The following SEC23A variants were observed in gnomAD, a reference collection of about 807,000 sequenced individuals.
SEC23A encodes SEC23 homolog A, COPII component, also known as protein transport protein Sec23A.
SEC23A carries 56 observed loss-of-function variants against 103.7 expected under a neutral mutation model. The observed-to-expected ratio is 0.54, with a 90% CI of 0.44 to 0.67. The LOEUF is 0.67. Ranked by LOEUF, SEC23A falls within the 30% of genes least tolerant of loss-of-function variation. The pLI is 0.00. For synonymous variants in SEC23A, 281 were observed against 293.0 expected (o/e 0.96, Z 0.42); for missense variants, 784 against 936.4 (o/e 0.84, Z 2.12).
intron 3 of SEC23A, 93 bp from the exon 4 acceptor site, chr14:39,092,720 ATTT>A (rs893298426): frequency 1.3e-6 from 1 of 744,534 alleles, no homozygotes; most frequent in Non-Finnish European, 2.2e-6. Context: ...TCATTTAATT[ATTT>A]TTAAAAAGGC....
At chr14:39,066,363 A>C (rs1566496092) in intron 10 of SEC23A, among the ~76,000 whole-genome samples, 1 of 152,214 alleles carries the variant, frequency 6.6e-6, no homozygotes, top group South Asian at 2.1e-4. Context: ...TAGGATTAGA[A>C]GCACTTAGCC....
chr14:39,095,152 T>C (rs1887840910), intron 2 of SEC23A: 1 of 586,194 alleles, frequency 1.7e-6, no homozygotes, highest in Non-Finnish European at 3.0e-6. Context: ...GAATCTATAA[T>C]GTTCTAGAGG....
intron 7 of SEC23A, among the ~76,000 whole-genome samples, chr14:39,078,087 A>T (rs1887100720): frequency 6.6e-6 from 1 of 152,116 alleles, no homozygotes; most frequent in African/African-American, 2.4e-5. Context: ...TTGTCTGAAA[A>T]AAATAAATAA....
intron 1 of SEC23A, among the ~76,000 whole-genome samples, chr14:39,101,172 T>C (rs1888078424): frequency 6.6e-6 from 1 of 152,062 alleles, no homozygotes; most frequent in Non-Finnish European, 1.5e-5. Flanking sequence ...TAAAAAGTGA[T>C]ACAAAACACA....
At chr14:39,078,062 C>A (rs557634961) in intron 7 of SEC23A, among the ~76,000 whole-genome samples, 3 of 152,116 alleles carry the variant, frequency 2.0e-5, no homozygotes, top group African/African-American at 4.8e-5. Flanking sequence ...TCAGCCTGGG[C>A]AACAAAGGGA....
chr14:39,055,908 G>A (rs1046036216), intron 13 of SEC23A, among the ~76,000 whole-genome samples: 12 of 152,212 alleles, frequency 7.9e-5, no homozygotes, highest in East Asian at 3.8e-4. Flanking sequence ...GCAGCACAGC[G>A]AAGGTCATGA....
At chr14:39,087,697 T>C (rs1887489049) in intron 5 of SEC23A, 3 of 152,356 alleles carry the variant, frequency 2.0e-5, no homozygotes, top group Admixed American at 6.5e-5. Context: ...ACTGGAGTTA[T>C]AAAACTGTGT....
Position 39,091,605 on chromosome 14 carries a change from G to A in SEC23A, c.475C>T (p.Pro159Ser). Residue 159 changes from proline to serine, a missense_variant, in exon 5 of 20, where the codon CCA becomes TCA. By Grantham distance (74) the Pro-to-Ser change is moderately conservative. Around this residue, in one of 2 missense-constraint regions of SEC23A, gnomAD observed 683 missense variants for 774.2 expected, o/e 0.88. Transcript: ENST00000307712. ...ESMQMSLSLL[P>S]PTALVGLITF... The stretch of plus-strand genomic sequence containing the variant: ...ATAAGTCCAACCAAAGCTGTAGGTG[G>A]TAAAAGACTTAATGACATCTGCATG... The A allele has an allele frequency of 6.2e-7, 1 of 1,613,810 alleles. No individual in the cohort carries two copies. The highest frequency in any genetic ancestry group is 1.3e-5 in the African/African-American group (1 of 75,022).
At chr14:39,062,275 A>T (rs557576737) in intron 12 of SEC23A, among the ~76,000 whole-genome samples, 1 of 152,294 alleles carries the variant, frequency 6.6e-6, no homozygotes, top group East Asian at 1.9e-4. Context: ...GTATTTTTTT[A>T]AACTCAGGAA....
chr14:39,033,821 T>C (rs1160782764), intron 19 of SEC23A, among the ~76,000 whole-genome samples: 2 of 152,204 alleles, frequency 1.3e-5, no homozygotes, highest in African/African-American at 4.8e-5. Flanking sequence ...ATTCCTATTA[T>C]CCATTTTAAT....
chr14:39,042,671 A>G, intron 17 of SEC23A, 115 bp downstream of exon 17: 1 of 698,440 alleles, frequency 1.4e-6, no homozygotes, highest in Non-Finnish European at 2.5e-6. Flanking sequence ...ATTTTATAAA[A>G]ATGGAAATCA....
Position 39,056,863 on chromosome 14 carries a change from G to A in SEC23A, c.1506-1567C>T, listed in dbSNP as rs181123094. Among the ~76,000 whole-genome samples the A allele has an allele frequency of 2.6e-5, 4 of 152,262 alleles. No individual in the cohort carries two copies. The East Asian group carries it at 7.7e-4, about 29-fold the overall frequency. ...CCTAAAGAAATCTTCCAAAGTAAGT[G>A]TAAAGGCAGCTCTCCAACCACATTC... is the stretch of plus-strand genomic sequence containing the variant. On this transcript the variant is annotated intron_variant, in intron 13 of 19. Coordinates refer to ENST00000307712, the MANE Select transcript of SEC23A (RefSeq NM_006364.4).
rs183944662 is a variant in SEC23A, at chr14:39,041,668, G to C, written c.1987-781C>G. ...GCGGATCACCCGAGGTCAGGAGTTC[G>C]AGACCAGCCTGGCCAACATGGTGAA... On this transcript the variant is annotated intron_variant, in intron 17 of 19. Coordinates refer to ENST00000307712, the MANE Select transcript of SEC23A (RefSeq NM_006364.4). 7.1e-4 allele frequency among the ~76,000 whole-genome samples: 108 copies of C among 151,952 alleles called. 1 individual carries two copies. The highest frequency in any genetic ancestry group is 2.3e-3 in the African/African-American group (97 of 41,488).
intron 7 of SEC23A, among the ~76,000 whole-genome samples, chr14:39,084,160 T>TC (rs1252662898): frequency 1.3e-5 from 2 of 151,394 alleles, no homozygotes; most frequent in African/African-American, 4.9e-5. Flanking sequence ...TAGCTGGGAT[T>TC]ACAGGCATGC....
Position 39,033,225 on chromosome 14 carries a change from A to T in SEC23A, c.*14T>A. The stretch of plus-strand genomic sequence containing the variant: ...TATTTCATCTTCTTAAGTGTCTTTA[A>T]CATTATTAGCACTTCAAGCAGCACT... On this transcript the variant is annotated 3_prime_UTR_variant, in exon 20 of 20. Coordinates refer to ENST00000307712, the MANE Select transcript of SEC23A (RefSeq NM_006364.4). 1 of 1,573,354 alleles carries T rather than the reference A, an allele frequency of 6.4e-7. No individual in the cohort carries two copies. The highest frequency in any genetic ancestry group is 8.7e-7 in the Non-Finnish European group (1 of 1,142,944).
intron 7 of SEC23A, among the ~76,000 whole-genome samples, chr14:39,076,922 G>A (rs71407778): frequency 0.29 from 42,019 of 142,542 alleles, 6,699 homozygotes; most frequent in Non-Finnish European, 0.36. Context: ...GCGAGACTCC[G>A]TCTCAAAAAA....
At chr14:39,053,001 G>T (rs1566487658) in intron 14 of SEC23A, among the ~76,000 whole-genome samples, 1 of 152,110 alleles carries the variant, frequency 6.6e-6, no homozygotes, top group Non-Finnish European at 1.5e-5. Flanking sequence ...CCAGCATGGT[G>T]GTGTGCACCT....
chr14:39,067,620 T>C (rs1185136626), intron 9 of SEC23A, among the ~76,000 whole-genome samples: 1 of 151,770 alleles, frequency 6.6e-6, no homozygotes, highest in Non-Finnish European at 1.5e-5. Flanking sequence ...GTAACAAATG[T>C]TCTCCATATT....
intron 14 of SEC23A, among the ~76,000 whole-genome samples, chr14:39,051,732 G>A (rs1886065708): frequency 6.6e-6 from 1 of 152,180 alleles, no homozygotes; most frequent in South Asian, 2.1e-4. Context: ...GGAGGCCAAG[G>A]CAGGCAGATC....
Sources: allele counts gnomAD v4.1 joint callset (sites outside exome capture counted in the v4.1 genomes callset), GRCh38; gene constraint gnomAD v4.1.1; regional missense constraint gnomAD v4.1.1; transcripts MANE v1.5; gene names NCBI Gene and HGNC (gene_info 2026-07-23, HGNC 2026-07-21).